RANGAP1: variants seen among roughly 807,000 people sequenced by gnomAD.
RANGAP1 encodes ran GTPase-activating protein 1.
A neutral mutation model predicts 63.5 loss-of-function variants in RANGAP1; 38 were observed. That is an observed-to-expected ratio of 0.60 (90% CI 0.46 to 0.78). The LOEUF is 0.78. Among genes scored for constraint, RANGAP1 ranks in the 30% least tolerant of loss-of-function variants. RANGAP1 has a pLI of 0.00. For missense variants in RANGAP1, 630 were observed against 740.3 expected, an observed-to-expected ratio of 0.85 and a Z score of 1.73; for synonymous variants, 329 against 310.5, an observed-to-expected ratio of 1.06 and a Z score of -0.63.
chr22:41,266,059 G>A (rs1044191503), intron 4 of RANGAP1, among the ~76,000 whole-genome samples: 4 of 152,078 alleles, frequency 2.6e-5, no homozygotes, highest in South Asian at 2.1e-4. Flanking sequence ...AAAATTAGCC[G>A]GGCATGGTGG....
chr22:41,266,657 C>T (rs903834254), intron 4 of RANGAP1, among the ~76,000 whole-genome samples: 7 of 152,206 alleles, frequency 4.6e-5, no homozygotes, highest in African/African-American at 1.4e-4. Flanking sequence ...CCTCAGCATC[C>T]TGAGTAGCTG....
intron 3 of RANGAP1, among the ~76,000 whole-genome samples, chr22:41,269,770 A>G (rs1280335932): frequency 1.3e-5 from 2 of 151,946 alleles, no homozygotes; most frequent in African/African-American, 4.8e-5. Flanking sequence ...GGAAGAGAAA[A>G]ATTTGAATGT....
At chr22:41,274,468 G>A in intron 3 of RANGAP1, 132 bp downstream of exon 3, 5 of 1,369,724 alleles carry the variant, frequency 3.7e-6, no homozygotes, top group Non-Finnish European at 5.0e-6. Flanking sequence ...GGAGGCCAGA[G>A]GAAGAGGAGC....
the RANGAP1 span, among the ~76,000 whole-genome samples, chr22:41,291,776 C>T: frequency 6.6e-6 from 1 of 151,180 alleles, no homozygotes; most frequent in South Asian, 2.1e-4. Context: ...TGGCGGGCAT[C>T]TGTAGTCCCA....
Position 41,285,606 on chromosome 22 carries a change from G to C in RANGAP1, c.-39+380C>G, listed in dbSNP as rs1016072598. On this transcript the variant is annotated intron_variant, in intron 1 of 15. Coordinates refer to ENST00000356244, the MANE Select transcript of RANGAP1 (RefSeq NM_002883.4). ...CGCGGGCGTGGGCCTGCTGGGAGGT[G>C]GCTCTGCGGGAGCGACGCGCGAATA... 6.1e-6 allele frequency: 6 copies of C among 985,312 alleles called. No individual in the cohort carries two copies. In the African/African-American group the frequency reaches 1.0e-4, roughly 17 times the overall value. 61.0% of individuals were successfully genotyped at this position (985,312 alleles called of 1,614,324 possible).
chr22:41,249,861 A>G, intron 13 of RANGAP1, 44 bp from the exon 14 acceptor site: 1 of 1,568,550 alleles, frequency 6.4e-7, no homozygotes, highest in Non-Finnish European at 8.8e-7. Context: ...GCTATGGCAG[A>G]GGGCTGGGCC....
At chr22:41,270,121 C>T (rs570592235) in intron 3 of RANGAP1, among the ~76,000 whole-genome samples, 9 of 151,250 alleles carry the variant, frequency 6.0e-5, no homozygotes, top group Admixed American at 3.3e-4. Context: ...AGGCGTGAGC[C>T]ACCGTGCCCG....
At chr22:41,279,181 A>G (rs750367294) in intron 2 of RANGAP1, among the ~76,000 whole-genome samples, 41 of 151,286 alleles carry the variant, frequency 2.7e-4, no homozygotes, top group Admixed American at 6.6e-4. Context: ...ACACAAAAAT[A>G]GGCTGAAGGC....
chr22:41,280,310 T>C (rs753530791), intron 2 of RANGAP1, among the ~76,000 whole-genome samples: 7 of 152,192 alleles, frequency 4.6e-5, no homozygotes, highest in Non-Finnish European at 1.5e-5. Flanking sequence ...CCTCACTTGA[T>C]GCAGGTGCCT....
intron 15 of RANGAP1, among the ~76,000 whole-genome samples, chr22:41,247,725 G>A (rs2033143741): frequency 6.6e-6 from 1 of 152,242 alleles, no homozygotes; most frequent in Admixed American, 6.5e-5. Flanking sequence ...GGGGGACTGG[G>A]CAAGTGCGGG....
the RANGAP1 span, among the ~76,000 whole-genome samples, chr22:41,301,237 G>A: frequency 4.6e-5 from 7 of 152,308 alleles, 1 homozygote; most frequent in Admixed American, 6.5e-5. Context: ...GAGAAGGGGG[G>A]CGGGGGGACT....
chr22:41,276,392 C>T (rs2035145707), intron 2 of RANGAP1, among the ~76,000 whole-genome samples: 1 of 152,002 alleles, frequency 6.6e-6, no homozygotes, highest in Non-Finnish European at 1.5e-5. Flanking sequence ...AATCCCAGCA[C>T]TTTGGGAGGC....
intron 4 of RANGAP1, among the ~76,000 whole-genome samples, chr22:41,265,972 G>A (rs938251464): frequency 2.6e-5 from 4 of 151,868 alleles, no homozygotes; most frequent in African/African-American, 9.7e-5. Flanking sequence ...GGAGGCCAAG[G>A]TGGGCGGATC....
Position 41,264,720 on chromosome 22 carries a change from A to C in RANGAP1, c.424T>G (p.Phe142Val). 1 of 1,614,000 alleles carries C rather than the reference A, an allele frequency of 6.2e-7. No individual in the cohort carries two copies. The highest frequency in any genetic ancestry group is 8.5e-7 in the Non-Finnish European group (1 of 1,179,832). The change falls in exon 5 of 16, where the codon TTC (phenylalanine) becomes GTC (valine). Residue 142 changes from phenylalanine (F) to valine (V), a missense_variant. This residue lies in a region of RANGAP1 where 137 missense variants were observed against 214.3 expected (regional missense o/e 0.64). Coordinates refer to ENST00000356244, the MANE Select transcript of RANGAP1 (RefSeq NM_002883.4). Reference protein sequence around the residue: ...FEALLKSSACFTLQELKLNNC... With the variant: ...FEALLKSSACVTLQELKLNNC... ...TTGAGCTTGAGTTCCTGCAGGGTGA[A>C]GCAGGCTGAGCTCTTGAGCAGGGCC...
rs763488197 is a variant in RANGAP1, at chr22:41,256,813, G to T, written c.786C>A (p.Thr262=). The T allele has an allele frequency of 1.5e-5, 24 of 1,613,756 alleles. No individual in the cohort carries two copies. Among genetic ancestry groups the T allele is most frequent in the Non-Finnish European group, 2.0e-5 (24 of 1,179,858 alleles). The change falls in exon 8 of 16, where the codon ACC becomes ACA. Residue 262 remains threonine, a synonymous_variant. Transcript: ENST00000356244. ...AATTAATCACCTCCACCTGCCGCAAGGTCTTCAAGGTCTGTGAGGGGGAAG... is the reference window on the plus strand; with the variant it reads ...AATTAATCACCTCCACCTGCCGCAATGTCTTCAAGGTCTGTGAGGGGGAAG... The part of the protein sequence containing the change: ...GAVAMAETLK[T]LRQVEVINFG...
the RANGAP1 span, among the ~76,000 whole-genome samples, chr22:41,298,752 C>T: frequency 2.0e-5 from 3 of 152,120 alleles, no homozygotes; most frequent in African/African-American, 7.2e-5. Context: ...CTGCCCACCT[C>T]GGCCTCCTAG....
rs1029479618 is a variant in RANGAP1, at chr22:41,249,941, C to G, written c.1484-124G>C. On this transcript the variant is annotated intron_variant, in intron 13 of 15. Coordinates refer to ENST00000356244, the MANE Select transcript of RANGAP1 (RefSeq NM_002883.4). ...CTGCCTCCTCGCCCTGACGAAGAGG[C>G]GAACACGAGAGGGACGGCAGAGACA... The G allele has an allele frequency of 2.0e-5, 16 of 799,228 alleles. No individual in the cohort carries two copies. In the East Asian group the frequency reaches 4.3e-4, roughly 21 times the overall value. The allele number at this position is 799,228 out of a possible 1,614,324, so 49.5% of individuals were successfully genotyped here.
intron 1 of RANGAP1, among the ~76,000 whole-genome samples, chr22:41,284,300 G>A (rs957245052): frequency 6.6e-6 from 1 of 152,096 alleles, no homozygotes; most frequent in Non-Finnish European, 1.5e-5. Context: ...GGGTGCGGTA[G>A]CTCACGCCTA....
chr22:41,289,199 C>G, upstream of RANGAP1, among the ~76,000 whole-genome samples: 1 of 151,878 alleles, frequency 6.6e-6, no homozygotes, highest in East Asian at 1.9e-4. Context: ...GAGTACAGTA[C>G]AGGCGTGAGC....
Sources: allele counts gnomAD v4.1 joint callset (sites outside exome capture counted in the v4.1 genomes callset), GRCh38; gene constraint gnomAD v4.1.1; regional missense constraint gnomAD v4.1.1; transcripts MANE v1.5; gene names NCBI Gene and HGNC (gene_info 2026-07-23, HGNC 2026-07-21).